The following ODAD4 variants were observed in gnomAD, a reference collection of about 807,000 sequenced individuals.
ODAD4 encodes the protein outer dynein arm docking complex subunit 4.
A neutral mutation model predicts 51.8 loss-of-function variants in ODAD4; 49 were observed. The observed-to-expected ratio is 0.95, with a 90% CI of 0.75 to 1.20. The LOEUF (loss-of-function observed/expected upper bound fraction) is 1.20. Ranked by LOEUF, ODAD4 falls within the 50% of genes most tolerant of loss-of-function variation. The pLI is 0.00. For synonymous variants in ODAD4, 235 were observed against 221.3 expected (o/e 1.06, Z -0.55); for missense variants, 590 against 586.5 (o/e 1.01, Z -0.06).
At chr17:41,962,044 A>G (rs183010824) in intron 11 of ODAD4, among the ~76,000 whole-genome samples, 3 of 152,344 alleles carry the variant, frequency 2.0e-5, no homozygotes, top group African/African-American at 7.2e-5. Flanking sequence ...CAGCAGGGCC[A>G]GAGGCACAGA....
chr17:41,965,587 G>T lies in ODAD4; in HGVS notation c.*104G>T. 1.6e-6 allele frequency: 1 copy of T among 630,614 alleles called. No homozygotes were observed. Among genetic ancestry groups the T allele is most frequent in the Non-Finnish European group, 2.8e-6 (1 of 355,784 alleles). 39.1% of individuals were successfully genotyped at this position (630,614 alleles called of 1,614,324 possible). Reference sequence around the variant, plus strand: ...ATTTGTCTGTTATAGGAAAAATGAGGGTTTTACTTCTGCTGCTTTCCATCA... The same window carrying T: ...ATTTGTCTGTTATAGGAAAAATGAGTGTTTTACTTCTGCTGCTTTCCATCA... On this transcript the variant is annotated 3_prime_UTR_variant, in exon 12 of 12. Coordinates refer to ENST00000377540, the MANE Select transcript of ODAD4 (RefSeq NM_031421.5).
chr17:41,935,995 T>C (rs1056208577), intron 3 of ODAD4, among the ~76,000 whole-genome samples: 4 of 152,200 alleles, frequency 2.6e-5, no homozygotes, highest in African/African-American at 4.8e-5. Flanking sequence ...TGGGTTTTCC[T>C]AAAGGTCAGA....
At chr17:41,954,534 G>A (rs1471003299) in intron 9 of ODAD4, among the ~76,000 whole-genome samples, 1 of 151,370 alleles carries the variant, frequency 6.6e-6, no homozygotes, top group African/African-American at 2.4e-5. Flanking sequence ...TATCATTTTT[G>A]AAAAAAATGA....
intron 3 of ODAD4, 43 bp from the exon 4 acceptor site, chr17:41,936,430 T>TG (rs782672764): frequency 5.5e-6 from 8 of 1,449,344 alleles, no homozygotes; most frequent in East Asian, 4.5e-5. Flanking sequence ...AAGTCATGCC[T>TG]GGGGGGTCTG....
intron 8 of ODAD4, among the ~76,000 whole-genome samples, 179 bp from the exon 9 acceptor site, chr17:41,948,974 C>A (rs2050621612): frequency 1.3e-5 from 2 of 152,068 alleles, no homozygotes; most frequent in African/African-American, 4.8e-5. Context: ...TAGGTGTTAC[C>A]AAAATAGTCT....
chr17:41,941,742 G>C (rs2050509012), intron 7 of ODAD4, among the ~76,000 whole-genome samples: 1 of 148,600 alleles, frequency 6.7e-6, no homozygotes, highest in East Asian at 2.0e-4. Flanking sequence ...GATAGTGACT[G>C]GGCGACAGAG....
intron 11 of ODAD4, among the ~76,000 whole-genome samples, chr17:41,962,818 G>A (rs1030557324): frequency 3.3e-5 from 5 of 152,344 alleles, no homozygotes; most frequent in South Asian, 4.1e-4. Context: ...CTGGAGGTCC[G>A]GGAGGACAGA....
At chr17:41,957,371 G>A (rs561184042) in intron 10 of ODAD4, among the ~76,000 whole-genome samples, 12 of 152,064 alleles carry the variant, frequency 7.9e-5, no homozygotes, top group Non-Finnish European at 1.3e-4. Context: ...GATCCCTCAC[G>A]TGCCGTTCAC....
At chr17:41,955,436 T>G in intron 10 of ODAD4, 119 bp downstream of exon 10, 4 of 623,322 alleles carry the variant, frequency 6.4e-6, no homozygotes, top group Non-Finnish European at 1.2e-5. Context: ...TTTGTTTGTT[T>G]ATTTGTTTTG....
chr17:41,941,307 G>A (rs1157730686), intron 7 of ODAD4, among the ~76,000 whole-genome samples: 3 of 152,126 alleles, frequency 2.0e-5, no homozygotes, highest in Non-Finnish European at 4.4e-5. Flanking sequence ...ACTTCTCCTG[G>A]CCTGTCTTGA....
chr17:41,933,809 G>A (rs1001861593), intron 1 of ODAD4, among the ~76,000 whole-genome samples: 2 of 151,540 alleles, frequency 1.3e-5, no homozygotes, highest in South Asian at 4.2e-4. Flanking sequence ...GTGAGACTCT[G>A]TCTCAAAAAA....
chr17:41,963,075 G>A (rs936438063), intron 11 of ODAD4, among the ~76,000 whole-genome samples: 2 of 152,208 alleles, frequency 1.3e-5, no homozygotes, highest in Non-Finnish European at 2.9e-5. Context: ...CGGGGAAGCA[G>A]CCAACACCCC....
intron 7 of ODAD4, among the ~76,000 whole-genome samples, chr17:41,940,144 A>G (rs2050486266): frequency 6.6e-6 from 1 of 151,864 alleles, no homozygotes; most frequent in South Asian, 2.1e-4. Context: ...TACCCATCTC[A>G]CCAGTCTGAG....
chr17:41,948,872 C>T (rs2050620407), intron 8 of ODAD4, among the ~76,000 whole-genome samples: 1 of 152,128 alleles, frequency 6.6e-6, no homozygotes, highest in Non-Finnish European at 1.5e-5. Flanking sequence ...GAACTCCTGA[C>T]CTCAGGTGAT....
chr17:41,957,767 C>T (rs2050752621), intron 10 of ODAD4, among the ~76,000 whole-genome samples: 1 of 152,112 alleles, frequency 6.6e-6, no homozygotes, highest in South Asian at 2.1e-4. Flanking sequence ...AGCTTCCTGT[C>T]TTCCTAAACA....
chr17:41,957,505 C>T (rs2050749093), intron 10 of ODAD4, among the ~76,000 whole-genome samples: 1 of 152,222 alleles, frequency 6.6e-6, no homozygotes, highest in South Asian at 2.1e-4. Context: ...ATGGACCAGT[C>T]AGTGGCCCAG....
chr17:41,943,039 A>G (rs879981277), intron 7 of ODAD4, among the ~76,000 whole-genome samples: 1 of 151,954 alleles, frequency 6.6e-6, no homozygotes, highest in Non-Finnish European at 1.5e-5. Context: ...TTGTTTTTAC[A>G]CAAGTACTAT....
chr17:41,931,982 A>G (rs1205621622), intron 1 of ODAD4, among the ~76,000 whole-genome samples: 2 of 150,606 alleles, frequency 1.3e-5, no homozygotes, highest in African/African-American at 4.9e-5. Context: ...CTGGAGTGCA[A>G]TGGTGCGATC....
At chr17:41,931,022 T>C (rs1305431950) in intron 1 of ODAD4, among the ~76,000 whole-genome samples, 185 bp downstream of exon 1, 1 of 149,626 alleles carries the variant, frequency 6.7e-6, no homozygotes, top group Non-Finnish European at 1.5e-5. Flanking sequence ...ACCTCCCAAG[T>C]AGCTGGGACT....
Sources: gnomAD v4.1 joint callset for allele counts (sites outside exome capture counted in the v4.1 genomes callset) on GRCh38, gnomAD v4.1.1 for gene constraint, MANE v1.5 for transcripts, NCBI Gene and HGNC (gene_info 2026-07-23, HGNC 2026-07-21) for gene names.